The following RBFOX3 variants were observed in gnomAD, a reference collection of about 807,000 sequenced individuals.
The protein encoded by RBFOX3 is RNA binding fox-1 homolog 3.
In RBFOX3, 17 loss-of-function variants were observed where a neutral mutation model predicts 48.7. The observed-to-expected ratio is 0.35, with a 90% CI of 0.24 to 0.52. RBFOX3 has a LOEUF of 0.52. RBFOX3 is among the 20% of genes least tolerant of loss of function. The pLI is 0.94. For missense variants in RBFOX3, 382 were observed against 497.5 expected (o/e 0.77, Z 2.21); for synonymous variants, 212 against 209.5 (o/e 1.01, Z -0.10).
rs1369964125 is a variant in RBFOX3 at position 79,254,727 on chromosome 17, C to A, written c.-73-18922G>T. On this transcript the variant is annotated intron_variant, in intron 3 of 14. Coordinates refer to ENST00000693108, the MANE Select transcript of RBFOX3 (RefSeq NM_001350451.2). The surrounding 1 kb of genome is among the most constrained non-coding windows in gnomAD (Gnocchi z 4.8). ...TCCAGGCTGTGAAAAACCCGCCCTG[C>A]CTGAGTGGGTGCCTTACCTGGACAG... Among the ~76,000 whole-genome samples, 1 of 152,166 alleles carries A rather than the reference C, an allele frequency of 6.6e-6. No individual in the cohort carries two copies. The highest frequency in any genetic ancestry group is 1.9e-4 in the East Asian group (1 of 5,184).
intron 1 of RBFOX3, among the ~76,000 whole-genome samples, chr17:79,607,578 T>A (rs1190256588): frequency 6.6e-6 from 1 of 152,220 alleles, no homozygotes; most frequent in Non-Finnish European, 1.5e-5. Flanking sequence ...TATGCATTCC[T>A]TCCTTCCGAA....
intron 1 of RBFOX3, among the ~76,000 whole-genome samples, chr17:79,489,894 T>TA (rs1217254450): frequency 6.6e-6 from 1 of 152,156 alleles, no homozygotes; most frequent in Non-Finnish European, 1.5e-5. Context: ...CCGCAAAACA[T>TA]AAGCTCCTAA....
intron 2 of RBFOX3, among the ~76,000 whole-genome samples, chr17:79,315,487 A>T (rs1568027157): frequency 1.3e-5 from 2 of 152,234 alleles, no homozygotes; most frequent in Admixed American, 1.3e-4. Flanking sequence ...CCCCCGACAG[A>T]TGGGACCCGC....
intron 2 of RBFOX3, among the ~76,000 whole-genome samples, chr17:79,440,654 C>T (rs1002157719): frequency 1.3e-5 from 2 of 152,200 alleles, no homozygotes; most frequent in Non-Finnish European, 1.5e-5. Flanking sequence ...GACCATGCCC[C>T]TCGCACCCCA....
rs1433942343 is a variant in RBFOX3, at chr17:79,204,767, G to A, written c.-34+30999C>T. Among the ~76,000 whole-genome samples, 1 of 152,154 alleles carries A rather than the reference G, an allele frequency of 6.6e-6. No homozygotes were observed. The highest frequency in any genetic ancestry group is 1.9e-4 in the East Asian group (1 of 5,192). ...TAACTGGGCTCCTTAGTATCAGTGAGGATGAGAAGATTCTAGAATAGCAGG... is the reference window on the plus strand; with the variant it reads ...TAACTGGGCTCCTTAGTATCAGTGAAGATGAGAAGATTCTAGAATAGCAGG... On this transcript the variant is annotated intron_variant, in intron 4 of 14. Coordinates refer to ENST00000693108, the MANE Select transcript of RBFOX3 (RefSeq NM_001350451.2). This position sits in a 1 kb window ranked among gnomAD's most constrained non-coding sequence, Gnocchi z 4.5.
At chr17:79,548,180 G>A (rs1051713048) in intron 1 of RBFOX3, among the ~76,000 whole-genome samples, 10 of 152,320 alleles carry the variant, frequency 6.6e-5, no homozygotes, top group African/African-American at 1.9e-4. Flanking sequence ...AGGTAGGGGC[G>A]GGCACAGCTC....
At chr17:79,237,803 A>G (rs1439246210) in intron 3 of RBFOX3, among the ~76,000 whole-genome samples, 1 of 152,236 alleles carries the variant, frequency 6.6e-6, no homozygotes, top group Non-Finnish European at 1.5e-5. Flanking sequence ...CCGTGGAGCC[A>G]TCTCCACACA....
At chr17:79,614,688 A>C (rs2093987402), upstream of RBFOX3, among the ~76,000 whole-genome samples, 2 of 152,338 alleles carry the variant, frequency 1.3e-5, no homozygotes, top group African/African-American at 4.8e-5. Flanking sequence ...GCAGGGTGCT[A>C]TTTTAAGGAG....
the RBFOX3 span, among the ~76,000 whole-genome samples, chr17:79,620,503 A>G: frequency 1.1e-4 from 17 of 149,060 alleles, no homozygotes; most frequent in African/African-American, 4.0e-4. Context: ...ACGCGCACAC[A>G]CATGCGCATA....
rs62063826 is a variant in RBFOX3 at position 79,090,724 on chromosome 17, A to G, written c.*159T>C. On this transcript the variant is annotated 3_prime_UTR_variant, in exon 15 of 15. Coordinates refer to ENST00000693108, the MANE Select transcript of RBFOX3 (RefSeq NM_001350451.2). ...GCTCCCTCGGTGCGGGCGTGTGGCC[A>G]GGACGCGGGACTTGGACTTGGTTGG... 225,584 of 914,008 alleles carry G rather than the reference A, an allele frequency of 0.25. 29,229 individuals carry two copies. The highest frequency in any genetic ancestry group is 0.37 in the African/African-American group (21,931 of 58,788). 56.6% of individuals were successfully genotyped at this position (914,008 alleles called of 1,614,324 possible). A position where few individuals can be genotyped will look rare whatever the true frequency, so the allele number is the denominator to read the frequency against.
Position 79,224,903 on chromosome 17 carries a change from T to C in RBFOX3, c.-34+10863A>G, listed in dbSNP as rs560510091. On this transcript the variant is annotated intron_variant, in intron 4 of 14. Coordinates refer to ENST00000693108, the MANE Select transcript of RBFOX3 (RefSeq NM_001350451.2). Reference sequence around the variant, plus strand: ...AATTTCACCCCTGGTGCTAGCCAGCTAACCAGGAAAACTATTAGTTATTCC... The same window carrying C: ...AATTTCACCCCTGGTGCTAGCCAGCCAACCAGGAAAACTATTAGTTATTCC... Among the ~76,000 whole-genome samples, 181 of 152,350 alleles carry C rather than the reference T, an allele frequency of 1.2e-3. 1 individual carries two copies. The highest frequency in any genetic ancestry group is 2.3e-3 in the Non-Finnish European group (155 of 68,038).
At chr17:79,200,585 G>A (rs2056597064) in intron 4 of RBFOX3, among the ~76,000 whole-genome samples, 1 of 152,228 alleles carries the variant, frequency 6.6e-6, no homozygotes, top group African/African-American at 2.4e-5. Flanking sequence ...CAGCGCCAGA[G>A]GAGAGCTGTT....
At chr17:79,336,389 A>AAAATAAATAAATAAAT (rs71161661) in intron 2 of RBFOX3, among the ~76,000 whole-genome samples, 42 of 146,910 alleles carry the variant, frequency 2.9e-4, no homozygotes, top group African/African-American at 9.6e-4. Flanking sequence ...TTCATCTCAA[A>AAAATAAATAAATAAAT]AAATAAATAA....
intron 1 of RBFOX3, among the ~76,000 whole-genome samples, chr17:79,499,206 A>G (rs577481571): frequency 9.8e-4 from 149 of 151,458 alleles, no homozygotes; most frequent in Non-Finnish European, 1.9e-4. Context: ...CCAATCATAC[A>G]TATACCTACT....
At chr17:79,448,685 A>G (rs570072554) in intron 2 of RBFOX3, among the ~76,000 whole-genome samples, 1 of 152,294 alleles carries the variant, frequency 6.6e-6, no homozygotes, top group Admixed American at 6.5e-5. Context: ...GAAAGCGGTC[A>G]CTTGTTATAT....
chr17:79,658,679 C>T, the RBFOX3 span, among the ~76,000 whole-genome samples: 1 of 152,086 alleles, frequency 6.6e-6, no homozygotes, highest in Non-Finnish European at 1.5e-5. Context: ...TCCCCTGAGG[C>T]CAGTATCTCT....
intron 2 of RBFOX3, among the ~76,000 whole-genome samples, chr17:79,430,069 A>G (rs1555727635): frequency 6.6e-6 from 1 of 152,136 alleles, no homozygotes; most frequent in African/African-American, 2.4e-5. Flanking sequence ...TGGAGACATC[A>G]GCGCACCAAC....
intron 3 of RBFOX3, among the ~76,000 whole-genome samples, chr17:79,273,552 A>G (rs931476409): frequency 2.0e-5 from 2 of 99,312 alleles, no homozygotes; most frequent in Admixed American, 3.1e-4. Context: ...GGCAGGCTAT[A>G]GGGTAAACAG....
At chr17:79,484,322 G>A (rs755622990) in intron 1 of RBFOX3, among the ~76,000 whole-genome samples, 21 of 152,224 alleles carry the variant, frequency 1.4e-4, no homozygotes, top group Non-Finnish European at 2.8e-4. Context: ...GCAATGCCTG[G>A]GGAACATCTG....
Sources: allele counts gnomAD v4.1 joint callset (sites outside exome capture counted in the v4.1 genomes callset), GRCh38; gene constraint gnomAD v4.1.1; non-coding constraint Gnocchi (gnomAD v3.1); transcripts MANE v1.5; gene names NCBI Gene and HGNC (gene_info 2026-07-23, HGNC 2026-07-21).